The following SH2D4A variants were observed in gnomAD, a reference collection of about 807,000 sequenced individuals.
SH2D4A encodes SH2 domain containing 4A, also known as SH2 domain-containing protein 4A.
In SH2D4A, 70 loss-of-function variants were observed where a neutral mutation model predicts 64.7. That is an observed-to-expected ratio of 1.08 (90% confidence interval 0.89 to 1.32). The LOEUF is 1.32. Ranked by LOEUF, SH2D4A falls within the 40% of genes most tolerant of loss-of-function variation. The probability of loss-of-function intolerance (pLI) is 0.00; values close to 1 mark genes in which losing one functional copy is unlikely to be tolerated. For missense variants in SH2D4A, 706 were observed against 540.1 expected, an observed-to-expected ratio of 1.31 and a Z score of -3.04; for synonymous variants, 268 against 200.7, an observed-to-expected ratio of 1.34 and a Z score of -2.83.
At chr8:19,334,537 C>T (rs1364226310) in intron 3 of SH2D4A, 149 bp from the exon 4 acceptor site, 10 of 757,322 alleles carry the variant, frequency 1.3e-5, no homozygotes, top group African/African-American at 1.8e-5. Flanking sequence ...CGTCTTTACA[C>T]ACCTAGCAAA....
chr8:19,385,727 A>G (rs116693772), intron 8 of SH2D4A, among the ~76,000 whole-genome samples: 8 of 152,286 alleles, frequency 5.3e-5, no homozygotes, highest in South Asian at 2.1e-4. Flanking sequence ...CCAACAGAGC[A>G]TATGTCACTG....
intron 1 of SH2D4A, chr8:19,314,183 C>A: frequency 1.2e-6 from 1 of 848,058 alleles, no homozygotes; most frequent in Non-Finnish European, 1.5e-6. Context: ...GTTCTGGAAT[C>A]CGGCAGGGAC....
rs2052143851 is a variant in SH2D4A at position 19,319,275 on chromosome 8, T to A, written c.-204-69T>A. The A allele has an allele frequency of 3.2e-5, 35 of 1,088,508 alleles. No individual in the cohort carries two copies. In the South Asian group the frequency reaches 8.2e-4, roughly 26 times the overall value. 67.4% of individuals were successfully genotyped at this position (1,088,508 alleles called of 1,614,324 possible). ...TGTGTTTCCTCCTAGCTTTTTTTTT[T>A]AAACCCGTCCTAGCCAGTGTCCACA... On this transcript the variant is annotated intron_variant, in intron 1 of 9. Transcript: ENST00000265807.
intron 8 of SH2D4A, among the ~76,000 whole-genome samples, chr8:19,379,352 T>C (rs1379605666): frequency 6.6e-6 from 1 of 152,216 alleles, no homozygotes; most frequent in Non-Finnish European, 1.5e-5. Context: ...CAGAATTTCC[T>C]CCCTTTTCAA....
In SH2D4A at chr8:19,377,313, C is replaced by T. The variant is rs556751890; in HGVS notation, c.1048+3653C>T. Among the ~76,000 whole-genome samples the T allele has an allele frequency of 6.6e-5, 10 of 152,252 alleles. No homozygotes were observed. The South Asian group carries it at 8.3e-4, about 13-fold the overall frequency. On this transcript the variant is annotated intron_variant, in intron 8 of 9. Transcript: ENST00000265807. ...AGGAGAATTGCTTGAACGCAGGAGG[C>T]GGAGCTGGCAGTCAGCCTAGATGGA...
intron 2 of SH2D4A, among the ~76,000 whole-genome samples, chr8:19,323,659 G>A (rs1333130001): frequency 3.3e-5 from 5 of 152,186 alleles, no homozygotes; most frequent in Non-Finnish European, 7.3e-5. Context: ...GGGATTACAG[G>A]TGTGAGCCAG....
intron 4 of SH2D4A, 44 bp downstream of exon 4, chr8:19,334,901 G>C (rs957240638): frequency 6.5e-6 from 10 of 1,546,350 alleles, no homozygotes; most frequent in Non-Finnish European, 8.7e-6. Context: ...TCATCATGGG[G>C]GAGAAAAAGC....
intron 8 of SH2D4A, among the ~76,000 whole-genome samples, chr8:19,387,489 G>A (rs1404865653): frequency 1.1e-4 from 17 of 152,206 alleles, no homozygotes; most frequent in Admixed American, 2.6e-4. Context: ...ATCCTCCCGC[G>A]TCAGCCTCCC....
intron 4 of SH2D4A, among the ~76,000 whole-genome samples, chr8:19,348,551 A>G (rs564173676): frequency 7.3e-4 from 111 of 152,310 alleles, no homozygotes; most frequent in African/African-American, 2.6e-3. Flanking sequence ...CCACTCCGGA[A>G]CGATCAGTTC....
rs188290004 is a variant in SH2D4A at position 19,336,196 on chromosome 8, G to A, written c.513+1339G>A. ...AGGTGTGGTTAAGCAACCTGCCCAA[G>A]GTCTTATTCAAACCCAGGTCTGCAG... On this transcript the variant is annotated intron_variant, in intron 4 of 9. Transcript: ENST00000265807. Among the ~76,000 whole-genome samples the A allele has an allele frequency of 3.3e-5, 5 of 152,244 alleles. No homozygotes were observed. In the East Asian group the frequency reaches 9.7e-4, roughly 29 times the overall value.
At chr8:19,380,412 C>G (rs1041223843) in intron 8 of SH2D4A, among the ~76,000 whole-genome samples, 1 of 151,968 alleles carries the variant, frequency 6.6e-6, no homozygotes, top group Non-Finnish European at 1.5e-5. Context: ...TTGTGTTGCT[C>G]GTGCCTTTGG....
intron 8 of SH2D4A, among the ~76,000 whole-genome samples, chr8:19,381,132 C>T (rs1409596943): frequency 1.3e-5 from 2 of 151,942 alleles, no homozygotes; most frequent in African/African-American, 4.8e-5. Flanking sequence ...TCACTGCAAC[C>T]TCCACCTCTC....
chr8:19,323,381 A>ATT (rs750438816), intron 2 of SH2D4A, among the ~76,000 whole-genome samples: 73 of 141,940 alleles, frequency 5.1e-4, no homozygotes, highest in Middle Eastern at 3.8e-3. Flanking sequence ...GTTCCTTTTG[A>ATT]TTTTTTTTTT....
intron 4 of SH2D4A, among the ~76,000 whole-genome samples, chr8:19,350,872 C>T (rs1160825846): frequency 1.3e-5 from 2 of 152,238 alleles, no homozygotes; most frequent in East Asian, 1.9e-4. Flanking sequence ...AGTCTCTGTG[C>T]GTGGATTTTG....
chr8:19,376,526 G>T (rs1433882059), intron 8 of SH2D4A, among the ~76,000 whole-genome samples: 1 of 152,154 alleles, frequency 6.6e-6, no homozygotes, highest in Non-Finnish European at 1.5e-5. Context: ...GGAGGCTGAG[G>T]CAGGAGAATT....
chr8:19,341,086 C>T (rs1316554531), intron 4 of SH2D4A, among the ~76,000 whole-genome samples: 4 of 152,178 alleles, frequency 2.6e-5, no homozygotes, highest in African/African-American at 9.7e-5. Flanking sequence ...TTTTGTATGT[C>T]TACTTTAATC....
intron 8 of SH2D4A, among the ~76,000 whole-genome samples, chr8:19,381,412 C>G (rs546569349): frequency 2.0e-4 from 30 of 152,046 alleles, no homozygotes; most frequent in Non-Finnish European, 4.0e-4. Flanking sequence ...TCTAAGTATT[C>G]TTTTTGATGA....
chr8:19,385,594 T>C (rs2053375965), intron 8 of SH2D4A, among the ~76,000 whole-genome samples: 1 of 152,168 alleles, frequency 6.6e-6, no homozygotes. Context: ...TTCTCTGGAA[T>C]TGTTGTTCCC....
At chr8:19,340,228 T>C (rs1399971037) in intron 4 of SH2D4A, among the ~76,000 whole-genome samples, 2 of 151,642 alleles carry the variant, frequency 1.3e-5, no homozygotes, top group Admixed American at 1.3e-4. Context: ...GGGAAAGCAT[T>C]GTCGGGGGGT....
Sources: gnomAD v4.1 joint callset for allele counts (sites outside exome capture counted in the v4.1 genomes callset) on GRCh38, gnomAD v4.1.1 for gene constraint, MANE v1.5 for transcripts, NCBI Gene and HGNC (gene_info 2026-07-23, HGNC 2026-07-21) for gene names.